Variants in SPIRE2 observed in about 807,000 individuals in gnomAD.
SPIRE2 encodes protein spire homolog 2.
In SPIRE2, 76 loss-of-function variants were observed where a neutral mutation model predicts 80.7. The ratio of observed to expected loss-of-function variants is 0.94; its 90% CI spans 0.78 to 1.14. The LOEUF is 1.14. Ranked by LOEUF, SPIRE2 falls within the 50% of genes most tolerant of loss-of-function variation. The pLI, the probability that SPIRE2 is intolerant of heterozygous loss-of-function variation, is 0.00. For synonymous variants in SPIRE2, 535 were observed against 432.6 expected (o/e 1.24, Z -2.94); for missense variants, 1,196 against 1,015.3 (o/e 1.18, Z -2.42).
chr16:89,840,204 A>G (rs1033689896), intron 1 of SPIRE2, among the ~76,000 whole-genome samples: 1 of 151,312 alleles, frequency 6.6e-6, no homozygotes, highest in Non-Finnish European at 1.5e-5. Context: ...GCAGGCAGCA[A>G]ATGTCCCACA....
intron 2 of SPIRE2, chr16:89,850,074 G>T (rs2041607026): frequency 9.1e-6 from 6 of 661,428 alleles, no homozygotes; most frequent in African/African-American, 1.8e-5. Context: ...CTGACCTCGT[G>T]ATCCGCCCGC....
chr16:89,828,696 G>T lies in SPIRE2; in HGVS notation c.146G>T (p.Arg49Leu). The T allele has an allele frequency of 7.7e-7, 1 of 1,291,368 alleles. No homozygotes were observed. The highest frequency in any genetic ancestry group is 3.3e-5 in the East Asian group (1 of 30,318). The allele number at this position is 1,291,368 out of a possible 1,614,324, so 80.0% of individuals were successfully genotyped here. Residue 49 changes from arginine to leucine, a missense_variant, in exon 1 of 15, where the codon CGC becomes CTC. Arg to Leu is a moderately radical substitution (Grantham distance 102, BLOSUM62 -2). Coordinates refer to ENST00000378247, the MANE Select transcript of SPIRE2 (RefSeq NM_032451.2). This position sits in a 1 kb window ranked among gnomAD's most constrained non-coding sequence, Gnocchi z 5.9. ...TGGGCCGTGTGCTTCCAGGGCTGCC[G>T]CGGGCTGCGGGGCTCGCCGGGCCGG... ...QAWAVCFQGCRGLRGSPGRRL... is the reference protein window; with the variant it reads ...QAWAVCFQGCLGLRGSPGRRL...
At chr16:89,835,148 AC>A (rs1385905638) in intron 1 of SPIRE2, among the ~76,000 whole-genome samples, 4 of 53,146 alleles carry the variant, frequency 7.5e-5, no homozygotes, top group African/African-American at 2.9e-4. Flanking sequence ...GCCCGCACTC[AC>A]GGTTGGCCGT....
intron 3 of SPIRE2, among the ~76,000 whole-genome samples, chr16:89,851,947 C>T (rs374901183): frequency 6.6e-6 from 1 of 151,952 alleles, no homozygotes; most frequent in Non-Finnish European, 1.5e-5. Flanking sequence ...GTGGTTTTGA[C>T]GCCGGGTGGC....
At chr16:89,838,901 G>A (rs564605346) in intron 1 of SPIRE2, among the ~76,000 whole-genome samples, 121 of 151,866 alleles carry the variant, frequency 8.0e-4, no homozygotes, top group Non-Finnish European at 1.3e-3. Context: ...GTGTCCCTGT[G>A]TGCAATCTAG....
intron 2 of SPIRE2, among the ~76,000 whole-genome samples, chr16:89,847,716 C>G (rs2041576586): frequency 6.6e-6 from 1 of 152,218 alleles, no homozygotes; most frequent in Non-Finnish European, 1.5e-5. Flanking sequence ...CAGGCCTGCA[C>G]CTGCTGTGGG....
At chr16:89,851,126 C>A (rs912762282) in intron 3 of SPIRE2, among the ~76,000 whole-genome samples, 1 of 152,162 alleles carries the variant, frequency 6.6e-6, no homozygotes, top group Non-Finnish European at 1.5e-5. Flanking sequence ...TGGCCTCACA[C>A]TTTCTTCTTA....
At chr16:89,867,233 C>T (rs373555102) in intron 12 of SPIRE2, among the ~76,000 whole-genome samples, 1 of 151,064 alleles carries the variant, frequency 6.6e-6, no homozygotes, top group South Asian at 2.1e-4. Flanking sequence ...CAACTTCCGC[C>T]TCCTGGGTTC....
rs1216777144 is a variant in SPIRE2 at position 89,850,567 on chromosome 16, C to G, written c.552C>G (p.Gly184=). 5.3e-6 allele frequency: 8 copies of G among 1,513,952 alleles called. No individual in the cohort carries two copies. Among genetic ancestry groups the G allele is most frequent in the Non-Finnish European group, 7.0e-6 (8 of 1,135,834 alleles). 93.8% of individuals were successfully genotyped at this position (1,513,952 alleles called of 1,614,324 possible). The change falls in exon 3 of 15, where the codon GGC becomes GGG. Residue 184 remains glycine (G), a synonymous_variant. Coordinates refer to ENST00000378247, the MANE Select transcript of SPIRE2 (RefSeq NM_032451.2). The part of the protein sequence containing the change: ...LCAARLTDPR[G]AQAHYQAVCR... ...CGGCGCGGCTGACCGACCCCCGGGGCGCACAGGCGCATTACCAGGCCGTGT... is the reference window on the plus strand; with the variant it reads ...CGGCGCGGCTGACCGACCCCCGGGGGGCACAGGCGCATTACCAGGCCGTGT...
chr16:89,850,555 C>T lies in SPIRE2; in HGVS notation c.540C>T (p.Thr180=), dbSNP rs960584584. 22 of 1,512,498 alleles carry T rather than the reference C, an allele frequency of 1.5e-5. No individual in the cohort carries two copies. The Admixed American group carries it at 3.0e-4, about 20-fold the overall frequency. The allele number at this position is 1,512,498 out of a possible 1,614,324, so 93.7% of individuals were successfully genotyped here. The change falls in exon 3 of 15, where the codon ACC becomes ACT. Residue 180 remains threonine, a synonymous_variant. Transcript: ENST00000378247. ...TGCGGCTGTGCGCGGCGCGGCTGAC[C>T]GACCCCCGGGGCGCACAGGCGCATT... ...QAMRLCAARL[T]DPRGAQAHYQ...
intron 1 of SPIRE2, among the ~76,000 whole-genome samples, chr16:89,835,479 TTCCTAA>T (rs1441435495): frequency 6.6e-6 from 1 of 152,186 alleles, no homozygotes; most frequent in Non-Finnish European, 1.5e-5. Flanking sequence ...CTGCTATGTC[TTCCTAA>T]TTCAGCAACA....
intron 1 of SPIRE2, among the ~76,000 whole-genome samples, chr16:89,834,971 C>T (rs2041431444): frequency 7.3e-6 from 1 of 136,760 alleles, no homozygotes; most frequent in Non-Finnish European, 1.6e-5. Context: ...TCGTAGAAGG[C>T]CCCATAAGCA....
At position 89,828,521 on chromosome 16, in the gene SPIRE2, C is replaced by T. The variant is rs1011086165; in HGVS notation, c.-30C>T. 13 of 1,037,642 alleles carry T rather than the reference C, an allele frequency of 1.3e-5. No homozygotes were observed. The highest frequency in any genetic ancestry group is 1.5e-5 in the Non-Finnish European group (13 of 866,054). The allele number at this position is 1,037,642 out of a possible 1,614,324, so 64.3% of individuals were successfully genotyped here. On this transcript the variant is annotated 5_prime_UTR_variant, in exon 1 of 15. Transcript: ENST00000378247. This position sits in a 1 kb window ranked among gnomAD's most constrained non-coding sequence, Gnocchi z 5.9. ...AGGCGCGGCTGCATGGACGCGGGTC[C>T]GGCGCGCGGGAGGCGATGACGGCCC...
chr16:89,858,556 G>A, intron 8 of SPIRE2, 49 bp downstream of exon 8: 2 of 1,489,714 alleles, frequency 1.3e-6, no homozygotes, highest in South Asian at 2.8e-5. Flanking sequence ...TGGGAGGATG[G>A]GGGCCAAGGA....
chr16:89,832,201 C>T (rs1278059923), intron 1 of SPIRE2, among the ~76,000 whole-genome samples: 1 of 152,226 alleles, frequency 6.6e-6, no homozygotes, highest in Non-Finnish European at 1.5e-5. Context: ...CACGGAAGCC[C>T]GTTTGTGTGT....
chr16:89,828,574 C>G lies in SPIRE2; in HGVS notation c.24C>G (p.Gly8=). 1.7e-6 allele frequency: 2 copies of G among 1,157,950 alleles called. No homozygotes were observed. Among genetic ancestry groups the G allele is most frequent in the African/African-American group, 1.6e-5 (1 of 60,882 alleles). The allele number at this position is 1,157,950 out of a possible 1,614,324, so 71.7% of individuals were successfully genotyped here. A position where few individuals can be genotyped will look rare whatever the true frequency, so the allele number is the denominator to read the frequency against. The change falls in exon 1 of 15, where the codon GGC becomes GGG. Residue 8 remains glycine, a synonymous_variant. Transcript: ENST00000378247. The surrounding 1 kb of genome is among the most constrained non-coding windows in gnomAD (Gnocchi z 5.9). MARAGSC[G]GAAAGAGRPE... ...CCATGGCCCGGGCGGGCAGCTGCGG[C>G]GGCGCCGCGGCGGGCGCAGGGCGGC...
chr16:89,855,105 A>AT (rs2041677198), intron 5 of SPIRE2, among the ~76,000 whole-genome samples: 1 of 152,002 alleles, frequency 6.6e-6, no homozygotes, highest in South Asian at 2.1e-4. Context: ...CGCCTGGCTA[A>AT]TTTTTTGTAT....
intron 10 of SPIRE2, among the ~76,000 whole-genome samples, chr16:89,861,488 T>TTAGCC (rs1281747534): frequency 6.6e-6 from 1 of 152,220 alleles, no homozygotes; most frequent in Non-Finnish European, 1.5e-5. Context: ...GCCTGCCCTG[T>TTAGCC]TAGCCTAGGT....
chr16:89,858,293 C>G (rs369651106), intron 7 of SPIRE2, 45 bp from the exon 8 acceptor site: 52 of 1,513,868 alleles, frequency 3.4e-5, no homozygotes, highest in Non-Finnish European at 4.3e-5. Context: ...TGCCTGCTGT[C>G]TCCCCGTTCA....
Sources: allele counts gnomAD v4.1 joint callset (sites outside exome capture counted in the v4.1 genomes callset), GRCh38; gene constraint gnomAD v4.1.1; non-coding constraint Gnocchi (gnomAD v3.1); transcripts MANE v1.5; gene names NCBI Gene and HGNC (gene_info 2026-07-23, HGNC 2026-07-21).